POU6F2: variants seen among roughly 807,000 people sequenced by gnomAD.
POU6F2 encodes the protein POU domain, class 6, transcription factor 2.
In POU6F2, 31 loss-of-function variants were observed where a neutral mutation model predicts 71.3. The ratio of observed to expected loss-of-function variants is 0.43; its 90% CI spans 0.33 to 0.59. The LOEUF (loss-of-function observed/expected upper bound fraction) is 0.59. POU6F2 is among the 20% of genes least tolerant of loss of function. POU6F2 has a pLI of 0.04. For missense variants in POU6F2, 783 were observed against 856.8 expected (o/e 0.91, Z 1.07); for synonymous variants, 347 against 355.7 (o/e 0.98, Z 0.27).
intron 1 of POU6F2, among the ~76,000 whole-genome samples, chr7:39,030,088 A>G (rs1789903099): frequency 6.6e-6 from 1 of 152,112 alleles, no homozygotes; most frequent in Non-Finnish European, 1.5e-5. Context: ...AAGGCTTTTT[A>G]AAAATTAAAA....
chr7:39,281,470 C>T (rs370320868), intron 4 of POU6F2, among the ~76,000 whole-genome samples: 3 of 152,114 alleles, frequency 2.0e-5, no homozygotes, highest in African/African-American at 7.2e-5. Context: ...CTCCCCTTTC[C>T]AGCCTCTGGG....
At chr7:39,345,426 C>T (rs976532121) in intron 5 of POU6F2, among the ~76,000 whole-genome samples, 2 of 152,122 alleles carry the variant, frequency 1.3e-5, no homozygotes, top group Non-Finnish European at 2.9e-5. Flanking sequence ...GAACATTGCA[C>T]CAAATTTTGC....
rs964589211 is a variant in POU6F2 at position 39,207,690 on chromosome 7, A to G, written c.598+70A>G. The G allele has an allele frequency of 3.8e-5, 53 of 1,408,700 alleles. No homozygotes were observed. In the African/African-American group the frequency reaches 6.2e-4, roughly 17 times the overall value. The allele number at this position is 1,408,700 out of a possible 1,614,324, so 87.3% of individuals were successfully genotyped here. On this transcript the variant is annotated intron_variant, in intron 4 of 9. Coordinates refer to ENST00000518318, the MANE Select transcript of POU6F2 (RefSeq NM_001370959.1). The stretch of plus-strand genomic sequence containing the variant: ...CCAGTATTCTCTGAAGTGGGCAAAA[A>G]AAAATGTGCCTAGAATGGTGAATGT...
chr7:39,032,652 G>C (rs1789970509), intron 1 of POU6F2, among the ~76,000 whole-genome samples: 1 of 152,200 alleles, frequency 6.6e-6, no homozygotes, highest in Non-Finnish European at 1.5e-5. Context: ...GCAGATTTCA[G>C]CCTGCCATGC....
intron 8 of POU6F2, among the ~76,000 whole-genome samples, chr7:39,455,311 A>G (rs1775727357): frequency 6.6e-6 from 1 of 152,192 alleles, no homozygotes; most frequent in Non-Finnish European, 1.5e-5. Context: ...GAAAAAAAAC[A>G]AAACTATAAA....
intron 4 of POU6F2, among the ~76,000 whole-genome samples, chr7:39,252,712 C>T (rs934336206): frequency 2.0e-5 from 3 of 152,086 alleles, no homozygotes; most frequent in African/African-American, 7.2e-5. Flanking sequence ...TGTTCCTTCC[C>T]TTGGAATGCT....
intron 6 of POU6F2, among the ~76,000 whole-genome samples, chr7:39,418,535 C>G (rs919928045): frequency 2.6e-5 from 4 of 151,876 alleles, no homozygotes; most frequent in African/African-American, 9.7e-5. Flanking sequence ...ACTAGAAACA[C>G]AAAAATTAGC....
intron 2 of POU6F2, among the ~76,000 whole-genome samples, chr7:39,201,137 T>TCATTTAATCTTCA (rs1400929055): frequency 6.6e-6 from 1 of 152,212 alleles, no homozygotes; most frequent in Non-Finnish European, 1.5e-5. Flanking sequence ...ACATATTAGT[T>TCATTTAATCTTCA]CATTTAATCT....
At chr7:39,114,658 C>G (rs942050986) in intron 2 of POU6F2, among the ~76,000 whole-genome samples, 5 of 151,828 alleles carry the variant, frequency 3.3e-5, no homozygotes, top group African/African-American at 1.2e-4. Flanking sequence ...TAAAAATTGC[C>G]ATTGGTCAGG....
chr7:39,155,656 A>G (rs1792853543), intron 2 of POU6F2, among the ~76,000 whole-genome samples: 1 of 152,218 alleles, frequency 6.6e-6, no homozygotes, highest in Non-Finnish European at 1.5e-5. Context: ...TCTCAAGACA[A>G]CTACATGTTG....
At chr7:39,106,819 C>T (rs957397921) in intron 2 of POU6F2, among the ~76,000 whole-genome samples, 14 of 152,046 alleles carry the variant, frequency 9.2e-5, no homozygotes, top group Non-Finnish European at 1.9e-4. Flanking sequence ...TGAGACTGTC[C>T]GTTTTTTGAT....
chr7:39,156,723 C>A (rs531119774), intron 2 of POU6F2, among the ~76,000 whole-genome samples: 1 of 152,272 alleles, frequency 6.6e-6, no homozygotes, highest in East Asian at 1.9e-4. Context: ...TTAAACGACT[C>A]AAAAGCATGC....
At position 39,363,288 on chromosome 7, in the gene POU6F2, G is replaced by A. The variant is rs576995011; in HGVS notation, c.972+23273G>A. On this transcript the variant is annotated intron_variant, in intron 5 of 9. Transcript: ENST00000518318. ...CAGAGGAGTCAAGGATGTCTGCAAC[G>A]ATTTTGACCTAAGCAACTGGTAGTA... 6.6e-5 allele frequency among the ~76,000 whole-genome samples: 10 copies of A among 152,120 alleles called. No individual in the cohort carries two copies. In the South Asian group the frequency reaches 1.5e-3, roughly 22 times the overall value.
chr7:39,342,945 T>A (rs1233010594), intron 5 of POU6F2, among the ~76,000 whole-genome samples: 1 of 152,208 alleles, frequency 6.6e-6, no homozygotes, highest in Non-Finnish European at 1.5e-5. Context: ...GGGATCACTT[T>A]GTTTATTAAT....
chr7:39,092,346 GT>G (rs1029365886), intron 2 of POU6F2, among the ~76,000 whole-genome samples: 1 of 152,034 alleles, frequency 6.6e-6, no homozygotes, highest in Non-Finnish European at 1.5e-5. Flanking sequence ...GTCTTCCTGG[GT>G]TCTGTACTTA....
In POU6F2 at chr7:39,407,487, A is replaced by T. The variant is rs114397589; in HGVS notation, c.1113+747A>T. 8.2e-3 allele frequency among the ~76,000 whole-genome samples: 1,239 copies of T among 150,662 alleles called. 18 individuals carry two copies. The highest frequency in any genetic ancestry group is 0.029 in the African/African-American group (1,165 of 40,858). On this transcript the variant is annotated intron_variant, in intron 6 of 9. Transcript: ENST00000518318. ...ACCCAATAAACCCAAAAGCTGCATA[A>T]AAAGCAAACGAGATGAAGCTGATGA...
intron 5 of POU6F2, among the ~76,000 whole-genome samples, chr7:39,377,581 A>G (rs1341581950): frequency 7.9e-5 from 12 of 152,214 alleles, no homozygotes; most frequent in Admixed American, 7.8e-4. Context: ...GCTTTACAGG[A>G]AGAACTTCCA....
chr7:39,314,762 C>A (rs1429783835), intron 4 of POU6F2, among the ~76,000 whole-genome samples: 1 of 152,066 alleles, frequency 6.6e-6, no homozygotes, highest in Non-Finnish European at 1.5e-5. Flanking sequence ...TAAACTCTAG[C>A]AAAGGCATTA....
chr7:39,137,821 T>A (rs947816064), intron 2 of POU6F2, among the ~76,000 whole-genome samples: 1 of 152,194 alleles, frequency 6.6e-6, no homozygotes, highest in Admixed American at 6.5e-5. Flanking sequence ...TGCATATTGA[T>A]CTTCCCACTT....
Sources: allele counts gnomAD v4.1 joint callset (sites outside exome capture counted in the v4.1 genomes callset), GRCh38; gene constraint gnomAD v4.1.1; transcripts MANE v1.5; gene names NCBI Gene and HGNC (gene_info 2026-07-23, HGNC 2026-07-21).